Variants in GPHN observed in about 807,000 individuals in gnomAD.
The protein encoded by GPHN is gephyrin.
A neutral mutation model predicts 95.5 loss-of-function variants in GPHN; 17 were observed. The ratio of observed to expected loss-of-function variants is 0.18; its 90% CI spans 0.12 to 0.27. The LOEUF (loss-of-function observed/expected upper bound fraction) is 0.27, where lower values mean the gene tolerates loss of function less well. GPHN is among the 10% of genes least tolerant of loss of function. GPHN has a pLI of 1.00. For synonymous variants in GPHN, 320 were observed against 322.5 expected (o/e 0.99, Z 0.08); for missense variants, 660 against 978.1 (o/e 0.67, Z 4.34).
chr14:67,271,199 T>A, the GPHN span: 1 of 152,222 alleles, frequency 6.6e-6, no homozygotes, highest in Non-Finnish European at 1.5e-5. Flanking sequence ...ATTAGATAAT[T>A]TACCTGTGTG....
intron 1 of GPHN, among the ~76,000 whole-genome samples, chr14:66,633,721 G>A (rs2153345268): frequency 6.6e-6 from 1 of 152,204 alleles, no homozygotes; most frequent in East Asian, 1.9e-4. Flanking sequence ...GTGACTTGCT[G>A]GATTGTATGG....
intron 9 of GPHN, among the ~76,000 whole-genome samples, chr14:67,017,567 A>AT (rs1370815140): frequency 1.3e-5 from 2 of 152,108 alleles, no homozygotes; most frequent in African/African-American, 4.8e-5. Context: ...ATAAGCCATG[A>AT]TGCATCAAAA....
At chr14:67,552,776 A>AAT in the GPHN span, among the ~76,000 whole-genome samples, 1 of 150,080 alleles carries the variant, frequency 6.7e-6, no homozygotes, top group African/African-American at 2.5e-5. Context: ...CAAAAAAAAA[A>AAT]AACAAAAACA....
intron 11 of GPHN, among the ~76,000 whole-genome samples, chr14:67,084,319 A>C (rs1365895649): frequency 1.3e-5 from 2 of 152,138 alleles, no homozygotes; most frequent in Non-Finnish European, 1.5e-5. Flanking sequence ...AAAATCCCTT[A>C]TTGGATTCCC....
At chr14:67,596,781 G>A in the GPHN span, among the ~76,000 whole-genome samples, 12 of 152,126 alleles carry the variant, frequency 7.9e-5, no homozygotes, top group Non-Finnish European at 1.8e-4. Context: ...CCTTGCCCCT[G>A]ATGTTTCCTT....
At chr14:67,484,461 T>C in the GPHN span, among the ~76,000 whole-genome samples, 1 of 152,198 alleles carries the variant, frequency 6.6e-6, no homozygotes, top group Non-Finnish European at 1.5e-5. Flanking sequence ...TTTTTCTAAT[T>C]ATAAAAGCAA....
chr14:67,324,071 C>G, the GPHN span, among the ~76,000 whole-genome samples: 2 of 152,182 alleles, frequency 1.3e-5, no homozygotes, highest in Non-Finnish European at 2.9e-5. Context: ...GATGTGACTG[C>G]CACCAAAGTT....
chr14:67,605,001 A>C, the GPHN span, among the ~76,000 whole-genome samples: 1 of 152,128 alleles, frequency 6.6e-6, no homozygotes, highest in Non-Finnish European at 1.5e-5. Context: ...AACCTGTCTC[A>C]ATTACTGTAG....
At chr14:67,523,461 AG>A in the GPHN span, among the ~76,000 whole-genome samples, 2 of 152,380 alleles carry the variant, frequency 1.3e-5, no homozygotes, top group African/African-American at 4.8e-5. Flanking sequence ...TTATACAGGT[AG>A]GGTTATACAG....
chr14:67,262,020 G>A, the GPHN span, among the ~76,000 whole-genome samples: 1 of 152,086 alleles, frequency 6.6e-6, no homozygotes, highest in African/African-American at 2.4e-5. Context: ...CAGCACTGTG[G>A]ATGCACATTA....
the GPHN span, among the ~76,000 whole-genome samples, chr14:67,377,640 C>G: frequency 6.6e-6 from 1 of 152,204 alleles, no homozygotes; most frequent in Non-Finnish European, 1.5e-5. Context: ...CTATGCCCAG[C>G]TGCTGCTCAG....
the GPHN span, chr14:67,642,034 T>C: frequency 3.9e-6 from 3 of 777,368 alleles, no homozygotes; most frequent in Admixed American, 2.8e-5. Context: ...AGGATCGAGA[T>C]AATCTTCCCA....
chr14:66,901,384 G>A (rs1415587595), intron 5 of GPHN, among the ~76,000 whole-genome samples: 2 of 151,688 alleles, frequency 1.3e-5, no homozygotes, highest in Non-Finnish European at 3.0e-5. Context: ...TTTTAGTTTT[G>A]TATAACCCCA....
chr14:67,040,140 G>A (rs977923704), intron 10 of GPHN, among the ~76,000 whole-genome samples: 1 of 152,048 alleles, frequency 6.6e-6, no homozygotes, highest in Non-Finnish European at 1.5e-5. Context: ...TTTCAGAAAG[G>A]AGAGACTATT....
chr14:67,572,105 C>G, the GPHN span: 1 of 1,592,932 alleles, frequency 6.3e-7, no homozygotes, highest in Non-Finnish European at 8.5e-7. Flanking sequence ...GGTGTGGGAC[C>G]CGGGCCTTGA....
chr14:67,381,486 C>T, the GPHN span: 1 of 783,560 alleles, frequency 1.3e-6, no homozygotes. Flanking sequence ...AGGTTGGATT[C>T]AGTATAAGTA....
chr14:67,659,964 CCTCA>C, the GPHN span: 1 of 1,579,130 alleles, frequency 6.3e-7, no homozygotes, highest in African/African-American at 1.4e-5. Flanking sequence ...CTGGTTCTTC[CCTCA>C]CTCATTTGGA....
chr14:67,591,850 T>C, the GPHN span: 2 of 152,150 alleles, frequency 1.3e-5, no homozygotes, highest in East Asian at 3.9e-4. Flanking sequence ...TGTTTTTTTT[T>C]TTTTGTAAGA....
the GPHN span, among the ~76,000 whole-genome samples, chr14:67,330,695 T>TG: frequency 2.5e-4 from 38 of 152,194 alleles, no homozygotes; most frequent in African/African-American, 9.2e-4. Context: ...CGACCTCAGG[T>TG]GATCCACCTG....
Sources: allele counts gnomAD v4.1 joint callset (sites outside exome capture counted in the v4.1 genomes callset), GRCh38; gene constraint gnomAD v4.1.1; transcripts MANE v1.5; gene names NCBI Gene and HGNC (gene_info 2026-07-23, HGNC 2026-07-21).